Variants in PCDHGA11 observed in about 807,000 individuals in gnomAD.
The protein encoded by PCDHGA11 is protocadherin gamma-A11.
In PCDHGA11, 39 loss-of-function variants were observed where a neutral mutation model predicts 60.4. That is an observed-to-expected ratio of 0.65 (90% CI 0.50 to 0.84). The LOEUF (loss-of-function observed/expected upper bound fraction) is 0.84, where lower values mean the gene tolerates loss of function less well. Among genes scored for constraint, PCDHGA11 ranks in the 40% least tolerant of loss-of-function variants. The pLI is 0.00. For missense variants in PCDHGA11, 1,165 were observed against 1,197.7 expected (o/e 0.97, Z 0.40); for synonymous variants, 533 against 510.3 (o/e 1.04, Z -0.60).
At chr5:141,427,692 C>A in intron 1 of PCDHGA11, 1 of 903,150 alleles carries the variant, frequency 1.1e-6, no homozygotes, top group Non-Finnish European at 1.8e-6. Context: ...AGCCTCCATC[C>A]CACAAGTCAG....
At chr5:141,425,248 G>GGCTGGGAAA (rs2096864506) in intron 1 of PCDHGA11, among the ~76,000 whole-genome samples, 1 of 152,178 alleles carries the variant, frequency 6.6e-6, no homozygotes, top group Non-Finnish European at 1.5e-5. Context: ...AAAAGGATAT[G>GGCTGGGAAA]AGGTATTTGG....
At chr5:141,502,288 G>C (rs2099813700) in intron 2 of PCDHGA11, among the ~76,000 whole-genome samples, 1 of 151,338 alleles carries the variant, frequency 6.6e-6, no homozygotes, top group African/African-American at 2.5e-5. Flanking sequence ...ATTGCATTTG[G>C]TTGTCACGTC....
chr5:141,504,786 C>T (rs568185327), intron 2 of PCDHGA11, among the ~76,000 whole-genome samples: 1 of 152,132 alleles, frequency 6.6e-6, no homozygotes, highest in Non-Finnish European at 1.5e-5. Flanking sequence ...TCTCTTGGGG[C>T]CTCCTACATC....
At chr5:141,462,360 A>G (rs1400686908) in intron 1 of PCDHGA11, among the ~76,000 whole-genome samples, 1 of 152,238 alleles carries the variant, frequency 6.6e-6, no homozygotes, top group Non-Finnish European at 1.5e-5. Flanking sequence ...TATACATTGT[A>G]TAGTTTCTAT....
chr5:141,485,454 C>T lies in PCDHGA11; in HGVS notation c.2434-9353C>T. On this transcript the variant is annotated intron_variant, in intron 1 of 3. Transcript: ENST00000398587. This position sits in a 1 kb window ranked among gnomAD's most constrained non-coding sequence, Gnocchi z 5.7. Reference sequence around the variant, plus strand: ...ATCAAGAACCCAATCGACCGAGAGGCACTGTGTGGGCTCAGTGCCAGCTGC... The same window carrying T: ...ATCAAGAACCCAATCGACCGAGAGGTACTGTGTGGGCTCAGTGCCAGCTGC... The T allele has an allele frequency of 6.2e-7, 1 of 1,614,162 alleles. No homozygotes were observed. Among genetic ancestry groups the T allele is most frequent in the East Asian group, 2.2e-5 (1 of 44,868 alleles).
At chr5:141,483,648 T>TTGTGTGTGTG (rs111458813) in intron 1 of PCDHGA11, among the ~76,000 whole-genome samples, 23 of 149,708 alleles carry the variant, frequency 1.5e-4, no homozygotes, top group African/African-American at 3.9e-4. Context: ...GGGTGTGTGT[T>TTGTGTGTGTG]TGTGTGTGTG....
intron 1 of PCDHGA11, among the ~76,000 whole-genome samples, chr5:141,484,138 G>A (rs184277779): frequency 6.6e-6 from 1 of 152,244 alleles, no homozygotes; most frequent in Admixed American, 6.5e-5. Context: ...TCAGATAAAG[G>A]GAATTTGTAG....
chr5:141,503,392 C>T lies in PCDHGA11; in HGVS notation c.2493-2001C>T, dbSNP rs554732406. 1.2e-4 allele frequency among the ~76,000 whole-genome samples: 18 copies of T among 151,870 alleles called. No individual in the cohort carries two copies. The South Asian group carries it at 3.5e-3, about 30-fold the overall frequency. On this transcript the variant is annotated intron_variant, in intron 2 of 3. Transcript: ENST00000398587. ...CAGGTGGATCATGAGGTCAGGAGTT[C>T]GAAACCAACCTGGCCAATATGGTGA...
At chr5:141,475,910 G>A in intron 1 of PCDHGA11, 1 of 588,414 alleles carries the variant, frequency 1.7e-6, no homozygotes, top group South Asian at 2.3e-5. Context: ...GTCGGCCAAT[G>A]AAGACGCTGG....
chr5:141,436,207 A>G (rs544201723), intron 1 of PCDHGA11, among the ~76,000 whole-genome samples: 67 of 152,260 alleles, frequency 4.4e-4, no homozygotes, highest in Non-Finnish European at 7.9e-4. Flanking sequence ...ACATAATAGG[A>G]AAACAAATGA....
chr5:141,441,865 G>T, intron 1 of PCDHGA11: 1 of 345,726 alleles, frequency 2.9e-6, no homozygotes. Context: ...GCACGCCGCG[G>T]AGCCTGGCTA....
rs367711513 is a variant in PCDHGA11, at chr5:141,422,275, A to G, written c.1048A>G (p.Ile350Val). The part of the protein sequence containing the change: ...DVNDNAPEIT[I>V]TSSINSILEN... ...GAATGATAACGCTCCAGAAATAACT[A>G]TCACCTCTTCTATTAATTCAATTCT... is the stretch of plus-strand genomic sequence containing the variant. Residue 350 changes from isoleucine to valine, a missense_variant, in exon 1 of 4, where the codon ATC (isoleucine) becomes GTC (valine). Physicochemically the swap from Ile to Val is conservative, Grantham distance 29. Coordinates refer to ENST00000398587, the MANE Select transcript of PCDHGA11 (RefSeq NM_018914.3). 3.8e-6 allele frequency: 6 copies of G among 1,560,374 alleles called. No homozygotes were observed. Among genetic ancestry groups the G allele is most frequent in the East Asian group, 2.2e-5 (1 of 44,666 alleles).
chr5:141,500,173 T>G (rs1666567886), intron 2 of PCDHGA11, among the ~76,000 whole-genome samples: 1 of 149,340 alleles, frequency 6.7e-6, no homozygotes, highest in East Asian at 1.9e-4. Context: ...ATGCATGAGC[T>G]TCATTTTTAT....
At position 141,447,418 on chromosome 5, in the gene PCDHGA11, G is replaced by A. The variant is rs113957183; in HGVS notation, c.2433+23758G>A. On this transcript the variant is annotated intron_variant, in intron 1 of 3. Transcript: ENST00000398587. ...CTCCCAAAGTGCTGGGATTACAGGC[G>A]TGAGCCACCGCACCCGGAGGAAATT... Among the ~76,000 whole-genome samples, 1,263 of 152,230 alleles carry A rather than the reference G, an allele frequency of 8.3e-3. 17 individuals carry two copies. The highest frequency in any genetic ancestry group is 0.029 in the African/African-American group (1,197 of 41,538).
chr5:141,478,509 G>C, intron 1 of PCDHGA11: 1 of 1,611,878 alleles, frequency 6.2e-7, no homozygotes, highest in Non-Finnish European at 8.5e-7. Context: ...GTGTTCTATA[G>C]GCAGGTGTTG....
intron 1 of PCDHGA11, chr5:141,478,581 T>C: frequency 6.3e-7 from 1 of 1,580,158 alleles, no homozygotes; most frequent in Non-Finnish European, 8.6e-7. Flanking sequence ...ACCCTGTTAG[T>C]GCTTTTTTAT....
intron 2 of PCDHGA11, among the ~76,000 whole-genome samples, chr5:141,500,815 A>G (rs2099802742): frequency 6.6e-6 from 1 of 152,196 alleles, no homozygotes; most frequent in African/African-American, 2.4e-5. Context: ...ATGAATATAC[A>G]TATTATTTTT....
chr5:141,458,922 G>A (rs747489537), intron 1 of PCDHGA11, among the ~76,000 whole-genome samples: 2 of 151,918 alleles, frequency 1.3e-5, no homozygotes, highest in East Asian at 1.9e-4. Flanking sequence ...TTGTGGAGAC[G>A]GGGTCTCACT....
At chr5:141,506,566 T>C (rs909998933) in intron 3 of PCDHGA11, among the ~76,000 whole-genome samples, 33 of 152,022 alleles carry the variant, frequency 2.2e-4, no homozygotes, top group Non-Finnish European at 2.9e-5. Flanking sequence ...ACCCCCTCGG[T>C]TTCACTTACT....
Sources: gnomAD v4.1 joint callset for allele counts (sites outside exome capture counted in the v4.1 genomes callset) on GRCh38, gnomAD v4.1.1 for gene constraint, Gnocchi (gnomAD v3.1) non-coding constraint, MANE v1.5 for transcripts, NCBI Gene and HGNC (gene_info 2026-07-23, HGNC 2026-07-21) for gene names.